Variants in CEP85 observed in about 807,000 individuals in gnomAD.
CEP85 encodes the protein centrosomal protein 85, also known as centrosomal protein of 85 kDa.
A neutral mutation model predicts 93.7 loss-of-function variants in CEP85; 58 were observed. The observed-to-expected ratio is 0.62, with a 90% CI of 0.50 to 0.77. The LOEUF (loss-of-function observed/expected upper bound fraction) is 0.77, where lower values mean the gene tolerates loss of function less well. CEP85 is among the 30% of genes least tolerant of loss of function. The pLI is 0.00. For synonymous variants in CEP85, 314 were observed against 338.6 expected (o/e 0.93, Z 0.80); for missense variants, 868 against 922.0 (o/e 0.94, Z 0.76).
chr1:26,251,423 G>A (rs1420622748), intron 3 of CEP85, among the ~76,000 whole-genome samples: 1 of 151,870 alleles, frequency 6.6e-6, no homozygotes, highest in Non-Finnish European at 1.5e-5. Context: ...AGCTAATCTT[G>A]TATTTTTAGT....
At chr1:26,242,421 G>A (rs6658935) in intron 2 of CEP85, among the ~76,000 whole-genome samples, 25,122 of 152,070 alleles carry the variant, frequency 0.17, 2,176 homozygotes, top group Middle Eastern at 0.21. Context: ...TCAGAAACTC[G>A]GATTGTTGCC....
intron 1 of CEP85, 109 bp downstream of exon 1, chr1:26,234,419 G>A (rs985226817): frequency 3.3e-5 from 5 of 152,284 alleles, no homozygotes; most frequent in African/African-American, 9.6e-5. Context: ...TGAGGGGCCG[G>A]GGAGAGCGAA....
chr1:26,239,696 G>A (rs12134756), intron 1 of CEP85, 66 bp from the exon 2 acceptor site: 63,401 of 978,850 alleles, frequency 0.065, 2,653 homozygotes, highest in Non-Finnish European at 0.084. Context: ...TCAGTTGAAT[G>A]GGAACTGAGT....
chr1:26,268,988 C>T lies in CEP85; in HGVS notation c.1494+353C>T, dbSNP rs117456776. 2.0e-4 allele frequency among the ~76,000 whole-genome samples: 31 copies of T among 152,284 alleles called. No homozygotes were observed. In the East Asian group the frequency reaches 4.2e-3, roughly 21 times the overall value. On this transcript the variant is annotated intron_variant, in intron 8 of 13. Transcript: ENST00000451429. ...TTTCCACCAGTTTTAATCAGTAGTT[C>T]ACATCTGTTCCCCCGGTCACCTACT...
At chr1:26,261,633 ACCTATAATT>A (rs1173854033) in intron 7 of CEP85, among the ~76,000 whole-genome samples, 1 of 151,740 alleles carries the variant, frequency 6.6e-6, no homozygotes, top group Non-Finnish European at 1.5e-5. Context: ...AGTGGCTCAT[ACCTATAATT>A]CCAGCACTTT....
intron 11 of CEP85, 52 bp from the exon 12 acceptor site, chr1:26,274,912 C>G (rs2090030686): frequency 5.6e-6 from 8 of 1,431,596 alleles, no homozygotes; most frequent in South Asian, 1.2e-5. Context: ...ATTGTCTGAA[C>G]CAGACTTGTT....
chr1:26,275,285 T>TG (rs987442855), intron 12 of CEP85, among the ~76,000 whole-genome samples: 6 of 144,108 alleles, frequency 4.2e-5, no homozygotes, highest in Non-Finnish European at 7.6e-5. Flanking sequence ...CTAGGAAGGT[T>TG]TTTTTTTTTT....
chr1:26,237,366 C>T (rs2089342334), intron 1 of CEP85, among the ~76,000 whole-genome samples: 1 of 152,148 alleles, frequency 6.6e-6, no homozygotes, highest in African/African-American at 2.4e-5. Context: ...CCTTCCTATT[C>T]TCCTACCCTC....
chr1:26,244,466 C>A lies in CEP85; in HGVS notation c.208+148C>A, dbSNP rs769463008. 57 of 720,552 alleles carry A rather than the reference C, an allele frequency of 7.9e-5. No homozygotes were observed. The African/African-American group carries it at 9.3e-4, about 12-fold the overall frequency. The allele number at this position is 720,552 out of a possible 1,614,324, so 44.6% of individuals were successfully genotyped here. A position where few individuals can be genotyped will look rare whatever the true frequency, so the allele number is the denominator to read the frequency against. On this transcript the variant is annotated intron_variant, in intron 3 of 13. Coordinates refer to ENST00000451429, the MANE Select transcript of CEP85 (RefSeq NM_001319944.2). ...TCAAGGAGTCTCTCATTCTTCTTAC[C>A]CTGTGCTTCTCACATCTGGTCCCTT...
intron 3 of CEP85, among the ~76,000 whole-genome samples, chr1:26,246,209 T>TA (rs2089506601): frequency 6.6e-6 from 1 of 152,132 alleles, no homozygotes; most frequent in Non-Finnish European, 1.5e-5. Flanking sequence ...AGGTTAAACA[T>TA]AGAGTTATTC....
Position 26,278,317 on chromosome 1 carries a change from G to A in CEP85, c.*1024G>A, listed in dbSNP as rs911310963. ...GGTTGTTTCTCTGGGGCTTTAGTGAGGGACCTTTGCCCTCTGGTTTTTCTT... is the reference window on the plus strand; with the variant it reads ...GGTTGTTTCTCTGGGGCTTTAGTGAAGGACCTTTGCCCTCTGGTTTTTCTT... On this transcript the variant is annotated 3_prime_UTR_variant, in exon 14 of 14. Transcript: ENST00000451429. 1.3e-5 allele frequency: 2 copies of A among 152,680 alleles called. No individual in the cohort carries two copies. The highest frequency in any genetic ancestry group is 2.9e-5 in the Non-Finnish European group (2 of 68,062). The allele number at this position is 152,680 out of a possible 1,614,324, so 9.5% of individuals were successfully genotyped here. A position where few individuals can be genotyped will look rare whatever the true frequency, so the allele number is the denominator to read the frequency against.
chr1:26,234,485 A>C (rs1191040844), intron 1 of CEP85, among the ~76,000 whole-genome samples, 175 bp downstream of exon 1: 1 of 152,016 alleles, frequency 6.6e-6, no homozygotes, highest in African/African-American at 2.4e-5. Context: ...CTCGCGTCCC[A>C]TTCCCCTCGC....
intron 3 of CEP85, 87 bp downstream of exon 3, chr1:26,244,405 T>TC: frequency 1.9e-5 from 23 of 1,207,506 alleles, no homozygotes; most frequent in Non-Finnish European, 2.6e-5. Flanking sequence ...CAGATTGTGT[T>TC]ATTTCCAGAA....
chr1:26,248,722 CTT>C (rs573449499), intron 3 of CEP85, among the ~76,000 whole-genome samples: 125 of 56,184 alleles, frequency 2.2e-3, no homozygotes, highest in African/African-American at 9.6e-3. Context: ...GTCTTGAACT[CTT>C]TTTTTTTTTT....
chr1:26,241,429 A>G (rs575745867), intron 2 of CEP85, among the ~76,000 whole-genome samples: 1 of 151,994 alleles, frequency 6.6e-6, no homozygotes, highest in African/African-American at 2.4e-5. Flanking sequence ...ATTTTTTAAT[A>G]GAGACGGGGT....
intron 4 of CEP85, 68 bp downstream of exon 4, chr1:26,255,933 C>T: frequency 7.2e-7 from 1 of 1,380,904 alleles, no homozygotes; most frequent in Non-Finnish European, 9.8e-7. Flanking sequence ...TAGCTTTTGT[C>T]CTTTGAATTT....
intron 1 of CEP85, among the ~76,000 whole-genome samples, chr1:26,239,029 A>T (rs904313791): frequency 1.3e-5 from 2 of 152,204 alleles, no homozygotes; most frequent in Non-Finnish European, 2.9e-5. Context: ...TGATGCTGTA[A>T]TACTTCACTG....
rs145039222 is a variant in CEP85 at position 26,271,028 on chromosome 1, A to G, written c.1664A>G (p.Gln555Arg). ...SSAGHSLQDK[Q>R]SVEETSGEGP... The stretch of plus-strand genomic sequence containing the variant: ...CTGTCTTTCAGCCTGCAAGATAAAC[A>G]GTCTGTGGAGGAGACCAGTGGAGAA... Residue 555 changes from glutamine to arginine, a missense_variant, in exon 10 of 14, where the codon CAG (glutamine) becomes CGG (arginine). Physicochemically the swap from Gln to Arg is conservative, Grantham distance 43 (BLOSUM62 1). Transcript: ENST00000451429. 8.7e-5 allele frequency: 140 copies of G among 1,611,412 alleles called. No individual in the cohort carries two copies. The highest frequency in any genetic ancestry group is 1.6e-4 in the Middle Eastern group (1 of 6,084).
At chr1:26,268,030 G>A (rs1476401738) in intron 7 of CEP85, among the ~76,000 whole-genome samples, 1 of 152,236 alleles carries the variant, frequency 6.6e-6, no homozygotes, top group Non-Finnish European at 1.5e-5. Context: ...TGCCCTAGAA[G>A]ACTTTCTCCG....
Sources: gnomAD v4.1 joint callset for allele counts (sites outside exome capture counted in the v4.1 genomes callset) on GRCh38, gnomAD v4.1.1 for gene constraint, MANE v1.5 for transcripts, NCBI Gene and HGNC (gene_info 2026-07-23, HGNC 2026-07-21) for gene names.